The following GAS7 variants were observed in gnomAD, a reference collection of about 807,000 sequenced individuals.
GAS7 encodes the protein growth arrest-specific protein 7.
Under a neutral mutation model 71.1 loss-of-function variants are expected in GAS7, and 28 were observed. That is an observed-to-expected ratio of 0.39 (90% CI 0.29 to 0.54). The LOEUF is 0.54. GAS7 is among the 20% of genes least tolerant of loss of function. The pLI is 0.62. For missense variants in GAS7, 436 were observed against 627.8 expected (o/e 0.69, Z 3.27); for synonymous variants, 258 against 245.8 (o/e 1.05, Z -0.46).
chr17:10,020,715 C>G (rs1011667669), intron 1 of GAS7, among the ~76,000 whole-genome samples: 5 of 152,142 alleles, frequency 3.3e-5, no homozygotes, highest in Non-Finnish European at 5.9e-5. Context: ...AGTTCGCGAC[C>G]AGCCTGGGCA....
intron 1 of GAS7, among the ~76,000 whole-genome samples, chr17:10,094,710 C>T (rs1286420312): frequency 1.3e-5 from 2 of 152,000 alleles, no homozygotes; most frequent in Non-Finnish European, 2.9e-5. Flanking sequence ...CCTCATGATC[C>T]GCCCGCCTCG....
At chr17:10,111,338 G>C (rs79204754) in intron 1 of GAS7, among the ~76,000 whole-genome samples, 150,506 of 150,532 alleles carry the variant, frequency 1, 75,240 homozygotes, top group Middle Eastern at 1. Context: ...TTGAGACAAT[G>C]TTGGATAACA....
intron 1 of GAS7, among the ~76,000 whole-genome samples, chr17:10,078,124 C>G (rs2073417367): frequency 6.6e-6 from 1 of 151,782 alleles, no homozygotes; most frequent in African/African-American, 2.4e-5. Context: ...CAGGATCTCA[C>G]TCTGTCACCT....
chr17:10,032,601 T>A (rs1008452196), intron 1 of GAS7, among the ~76,000 whole-genome samples: 1 of 152,204 alleles, frequency 6.6e-6, no homozygotes, highest in Non-Finnish European at 1.5e-5. Context: ...GGACGGCTTT[T>A]GTAACACAGC....
At chr17:10,083,514 A>G (rs1019116186) in intron 1 of GAS7, among the ~76,000 whole-genome samples, 5 of 152,220 alleles carry the variant, frequency 3.3e-5, no homozygotes, top group Non-Finnish European at 7.3e-5. Flanking sequence ...CTGCCGCAGG[A>G]GGTGCCCTGC....
chr17:9,993,866 A>C (rs1597634376), intron 2 of GAS7, among the ~76,000 whole-genome samples: 5 of 152,254 alleles, frequency 3.3e-5, no homozygotes, highest in Admixed American at 3.3e-4. Context: ...AAAAATCACA[A>C]GCATTCTTAT....
chr17:10,116,671 G>A lies in GAS7; in HGVS notation c.183+81537C>T, dbSNP rs114984872. Reference sequence around the variant, plus strand: ...GGAAGAGAAGGTATTCCAGACCAAGGAATCATTCATTCATATTCATTCATT... The same window carrying A: ...GGAAGAGAAGGTATTCCAGACCAAGAAATCATTCATTCATATTCATTCATT... On this transcript the variant is annotated intron_variant, in intron 1 of 13. Transcript: ENST00000432992. 1.9e-3 allele frequency among the ~76,000 whole-genome samples: 288 copies of A among 152,250 alleles called. 1 individual carries two copies. The highest frequency in any genetic ancestry group is 6.6e-3 in the African/African-American group (275 of 41,552).
rs912724126 is a variant in GAS7, at chr17:10,105,448, T to C, written c.184-85551A>G. Among the ~76,000 whole-genome samples the C allele has an allele frequency of 2.0e-5, 3 of 152,186 alleles. No individual in the cohort carries two copies. The East Asian group carries it at 5.8e-4, about 29-fold the overall frequency. On this transcript the variant is annotated intron_variant, in intron 1 of 13. Coordinates refer to ENST00000432992, the MANE Select transcript of GAS7 (RefSeq NM_201433.2). ...GGTCCCATGTGACTAGTGGCTACCATGTTAGATGGTACAGGCCTAGAGCAT... is the reference window on the plus strand; with the variant it reads ...GGTCCCATGTGACTAGTGGCTACCACGTTAGATGGTACAGGCCTAGAGCAT...
At chr17:10,036,130 G>T (rs1353212362) in intron 1 of GAS7, among the ~76,000 whole-genome samples, 2 of 152,132 alleles carry the variant, frequency 1.3e-5, no homozygotes, top group African/African-American at 4.8e-5. Flanking sequence ...CAGGTAACTA[G>T]GGGAGCCAAG....
intron 1 of GAS7, among the ~76,000 whole-genome samples, chr17:10,155,676 C>G (rs2074200199): frequency 6.6e-6 from 1 of 152,194 alleles, no homozygotes; most frequent in African/African-American, 2.4e-5. Context: ...CATCCCAAAA[C>G]TGGTCCACTC....
intron 2 of GAS7, 25 bp downstream of exon 2, chr17:10,019,752 G>A (rs771125235): frequency 6.2e-7 from 1 of 1,605,594 alleles, no homozygotes; most frequent in Admixed American, 1.7e-5. Flanking sequence ...GGTTGGTGCA[G>A]GATTCTCCCC....
At chr17:10,140,619 T>A (rs2074072569) in intron 1 of GAS7, among the ~76,000 whole-genome samples, 1 of 152,190 alleles carries the variant, frequency 6.6e-6, no homozygotes, top group Non-Finnish European at 1.5e-5. Context: ...TTTATGTACA[T>A]GAATATGCCT....
chr17:10,173,169 TG>T (rs2074347808), intron 1 of GAS7, among the ~76,000 whole-genome samples: 1 of 152,050 alleles, frequency 6.6e-6, no homozygotes, highest in Non-Finnish European at 1.5e-5. Flanking sequence ...CGCCTGATGC[TG>T]GGGGCGGGCG....
chr17:10,020,378 T>C (rs2072220221), intron 1 of GAS7, among the ~76,000 whole-genome samples: 1 of 152,168 alleles, frequency 6.6e-6, no homozygotes, highest in South Asian at 2.1e-4. Context: ...AAACATTCTA[T>C]AATAATGCTG....
At chr17:9,943,047 C>T (rs529405711) in intron 7 of GAS7, 74 bp downstream of exon 7, 23 of 897,190 alleles carry the variant, frequency 2.6e-5, no homozygotes, top group African/African-American at 1.2e-4. Context: ...CCTGTGCTGT[C>T]GCCCCGCCCC....
At chr17:10,079,347 A>G (rs972059005) in intron 1 of GAS7, among the ~76,000 whole-genome samples, 2 of 152,234 alleles carry the variant, frequency 1.3e-5, no homozygotes, top group Non-Finnish European at 2.9e-5. Flanking sequence ...AGGATACTCT[A>G]AAGTTTAACC....
chr17:10,003,211 G>A (rs898142300), intron 2 of GAS7, among the ~76,000 whole-genome samples: 2 of 152,158 alleles, frequency 1.3e-5, no homozygotes, highest in Non-Finnish European at 2.9e-5. Flanking sequence ...CTGGACAAAT[G>A]AGAAACAGAG....
chr17:10,180,264 C>G (rs2074404086), intron 1 of GAS7, among the ~76,000 whole-genome samples: 1 of 149,810 alleles, frequency 6.7e-6, no homozygotes, highest in Admixed American at 6.7e-5. Context: ...TCGCTTGAAC[C>G]CGAGAGGCGG....
At chr17:10,070,902 G>A (rs1162251754) in intron 1 of GAS7, among the ~76,000 whole-genome samples, 1 of 151,562 alleles carries the variant, frequency 6.6e-6, no homozygotes, top group African/African-American at 2.4e-5. Context: ...CTATTAGGTT[G>A]GTGCAAAAGT....
Sources: allele counts gnomAD v4.1 joint callset (sites outside exome capture counted in the v4.1 genomes callset), GRCh38; gene constraint gnomAD v4.1.1; transcripts MANE v1.5; gene names NCBI Gene and HGNC (gene_info 2026-07-23, HGNC 2026-07-21).